Variants in NKAIN2 observed in about 807,000 individuals in gnomAD.
NKAIN2 encodes sodium/potassium transporting ATPase interacting 2.
A neutral mutation model predicts 32.6 loss-of-function variants in NKAIN2; 14 were observed. The ratio of observed to expected loss-of-function variants is 0.43; its 90% CI spans 0.28 to 0.67. The LOEUF is 0.67. NKAIN2 is among the 30% of genes least tolerant of loss of function. NKAIN2 has a pLI of 0.17. For missense variants in NKAIN2, 198 were observed against 258.3 expected (o/e 0.77, Z 1.60); for synonymous variants, 80 against 87.2 (o/e 0.92, Z 0.46).
chr6:124,387,297 T>G (rs1444218168), intron 3 of NKAIN2, among the ~76,000 whole-genome samples: 8 of 132,152 alleles, frequency 6.1e-5, no homozygotes, highest in Non-Finnish European at 1.2e-4. Context: ...ATTAAAGGTT[T>G]TTTTTTTTTT....
intron 1 of NKAIN2, among the ~76,000 whole-genome samples, chr6:124,141,171 TG>T (rs1304990314): frequency 6.6e-6 from 1 of 152,150 alleles, no homozygotes; most frequent in African/African-American, 2.4e-5. Context: ...TTGTGCGTAT[TG>T]AGTCAGAAAT....
At chr6:123,955,590 T>TTTTA (rs1777536784) in intron 1 of NKAIN2, among the ~76,000 whole-genome samples, 1 of 136,664 alleles carries the variant, frequency 7.3e-6, no homozygotes, top group Non-Finnish European at 1.6e-5. Context: ...ATTTAAACAT[T>TTTTA]TTTTATTTTA....
At chr6:124,025,551 A>G (rs1781069335) in intron 1 of NKAIN2, among the ~76,000 whole-genome samples, 1 of 152,128 alleles carries the variant, frequency 6.6e-6, no homozygotes, top group African/African-American at 2.4e-5. Flanking sequence ...TCCTTCCAAT[A>G]TGTTGTTAAT....
chr6:124,321,094 A>G (rs183104481), intron 2 of NKAIN2, among the ~76,000 whole-genome samples: 2 of 152,164 alleles, frequency 1.3e-5, no homozygotes, highest in Admixed American at 1.3e-4. Flanking sequence ...TGGGCATTTC[A>G]TGAAGTCAAA....
chr6:123,864,174 C>G (rs1455549899), intron 1 of NKAIN2, among the ~76,000 whole-genome samples: 1 of 152,112 alleles, frequency 6.6e-6, no homozygotes, highest in Non-Finnish European at 1.5e-5. Context: ...GCTAGTGTCT[C>G]CCAGATTTCT....
intron 1 of NKAIN2, among the ~76,000 whole-genome samples, chr6:123,814,707 A>G (rs912287164): frequency 5.3e-5 from 8 of 152,258 alleles, no homozygotes; most frequent in Middle Eastern, 6.8e-3. Context: ...TGAAGTTTAC[A>G]TAGTGATTTG....
intron 3 of NKAIN2, among the ~76,000 whole-genome samples, chr6:124,618,652 T>G (rs1782996163): frequency 6.6e-6 from 1 of 152,178 alleles, no homozygotes; most frequent in African/African-American, 2.4e-5. Flanking sequence ...TGGACCTAAA[T>G]TTTGAATGGA....
At chr6:124,759,655 A>ACACACACACAC (rs1562367638) in intron 4 of NKAIN2, among the ~76,000 whole-genome samples, 1 of 53,078 alleles carries the variant, frequency 1.9e-5, no homozygotes, top group African/African-American at 5.7e-5. Flanking sequence ...ACACACACAC[A>ACACACACACAC]CCCCCTATCT....
At chr6:124,588,310 A>G (rs1188229710) in intron 3 of NKAIN2, among the ~76,000 whole-genome samples, 2 of 152,178 alleles carry the variant, frequency 1.3e-5, no homozygotes, top group African/African-American at 2.4e-5. Context: ...TCTGCTCTCA[A>G]GAATTTTTCT....
At chr6:124,505,110 A>G (rs1332632630) in intron 3 of NKAIN2, among the ~76,000 whole-genome samples, 2 of 152,246 alleles carry the variant, frequency 1.3e-5, no homozygotes, top group Non-Finnish European at 2.9e-5. Flanking sequence ...TCAAATTCAT[A>G]CAAGATAACA....
rs576782985 is a variant in NKAIN2, at chr6:124,802,352, G to C, written c.535+10953G>C. 9.3e-4 allele frequency among the ~76,000 whole-genome samples: 141 copies of C among 152,148 alleles called. No individual in the cohort carries two copies. In the South Asian group the frequency reaches 0.016, roughly 17 times the overall value. On this transcript the variant is annotated intron_variant, in intron 5 of 6. Coordinates refer to ENST00000368417, the MANE Select transcript of NKAIN2 (RefSeq NM_001040214.3). ...AGCTCACCTATAGCTTGTAATAACT[G>C]CTCCTTCCAATTTCATCTGAAAGAC...
At position 124,456,770 on chromosome 6, in the gene NKAIN2, T is replaced by C. The variant is rs556553325; in HGVS notation, c.273+101423T>C. Reference sequence around the variant, plus strand: ...TATGATATCTTTCATCCTCATGAGATGTATTATTTTATGTTATTTTATTTT... The same window carrying C: ...TATGATATCTTTCATCCTCATGAGACGTATTATTTTATGTTATTTTATTTT... On this transcript the variant is annotated intron_variant, in intron 3 of 6. Coordinates refer to ENST00000368417, the MANE Select transcript of NKAIN2 (RefSeq NM_001040214.3). Among the ~76,000 whole-genome samples the C allele has an allele frequency of 2.6e-5, 4 of 152,094 alleles. No individual in the cohort carries two copies. The South Asian group carries it at 8.3e-4, about 32-fold the overall frequency.
intron 1 of NKAIN2, among the ~76,000 whole-genome samples, chr6:123,890,676 A>G (rs924391758): frequency 1.3e-5 from 2 of 152,168 alleles, no homozygotes; most frequent in Admixed American, 1.3e-4. Context: ...GCAAACCCAG[A>G]AAGTATCAAG....
intron 2 of NKAIN2, among the ~76,000 whole-genome samples, chr6:124,291,568 A>G (rs992624068): frequency 2.0e-5 from 3 of 151,948 alleles, no homozygotes. Context: ...AAGAAATGCA[A>G]TTGTCTTGAA....
chr6:124,310,452 CA>C (rs1317573277), intron 2 of NKAIN2, among the ~76,000 whole-genome samples: 1 of 151,950 alleles, frequency 6.6e-6, no homozygotes, highest in Non-Finnish European at 1.5e-5. Flanking sequence ...TTTTAACAAA[CA>C]GAATGTGGGC....
chr6:124,510,543 G>A (rs534916735), intron 3 of NKAIN2, among the ~76,000 whole-genome samples: 10 of 152,274 alleles, frequency 6.6e-5, no homozygotes, highest in Admixed American at 1.3e-4. Flanking sequence ...ATAAAGTTAA[G>A]AGATTCATGC....
intron 3 of NKAIN2, among the ~76,000 whole-genome samples, chr6:124,485,763 A>G (rs1777624890): frequency 6.6e-6 from 1 of 152,050 alleles, no homozygotes; most frequent in African/African-American, 2.4e-5. Context: ...CAAGTTACTC[A>G]AATCCCCATC....
Position 124,436,124 on chromosome 6 carries a change from A to T in NKAIN2, c.273+80777A>T, listed in dbSNP as rs1370328983. 2.0e-5 allele frequency among the ~76,000 whole-genome samples: 3 copies of T among 152,174 alleles called. No homozygotes were observed. The East Asian group carries it at 5.8e-4, about 29-fold the overall frequency. Reference sequence around the variant, plus strand: ...TTTCTGCTTTATCAGCTAACGTATTATCTGCCTTAAAGGCTTCTATTTGGT... The same window carrying T: ...TTTCTGCTTTATCAGCTAACGTATTTTCTGCCTTAAAGGCTTCTATTTGGT... On this transcript the variant is annotated intron_variant, in intron 3 of 6. Coordinates refer to ENST00000368417, the MANE Select transcript of NKAIN2 (RefSeq NM_001040214.3).
intron 3 of NKAIN2, among the ~76,000 whole-genome samples, chr6:124,363,270 C>T (rs2114286979): frequency 6.6e-6 from 1 of 152,234 alleles, no homozygotes; most frequent in African/African-American, 2.4e-5. Context: ...AAGTTGAAAA[C>T]AACAGAGATC....
Sources: allele counts gnomAD v4.1 joint callset (sites outside exome capture counted in the v4.1 genomes callset), GRCh38; gene constraint gnomAD v4.1.1; transcripts MANE v1.5; gene names NCBI Gene and HGNC (gene_info 2026-07-23, HGNC 2026-07-21).